Variants in FILIP1L observed in about 807,000 individuals in gnomAD.
FILIP1L encodes the protein filamin A interacting protein 1 like, also known as filamin A-interacting protein 1-like.
In FILIP1L, 55 loss-of-function variants were observed where a neutral mutation model predicts 96.6. That is an observed-to-expected ratio of 0.57 (90% CI 0.46 to 0.71). FILIP1L has a LOEUF of 0.71. Among genes scored for constraint, FILIP1L ranks in the 30% least tolerant of loss-of-function variants. FILIP1L has a pLI of 0.00. For missense variants in FILIP1L, 1,304 were observed against 1,321.2 expected (o/e 0.99, Z 0.20); for synonymous variants, 467 against 473.9 (o/e 0.99, Z 0.19).
intron 1 of FILIP1L, among the ~76,000 whole-genome samples, chr3:100,035,207 G>A (rs2065086210): frequency 6.6e-6 from 1 of 152,150 alleles, no homozygotes; most frequent in African/African-American, 2.4e-5. Flanking sequence ...TGAACCAAAT[G>A]TATTTTAAAC....
chr3:99,851,188 T>C (rs1017784851), intron 4 of FILIP1L, 118 bp from the exon 5 acceptor site: 5 of 795,264 alleles, frequency 6.3e-6, no homozygotes, highest in Non-Finnish European at 9.3e-6. Flanking sequence ...TCAGTTCATA[T>C]ACAATATGCA....
intron 1 of FILIP1L, among the ~76,000 whole-genome samples, chr3:99,948,021 G>T (rs1708060487): frequency 6.6e-6 from 1 of 152,202 alleles, no homozygotes; most frequent in Admixed American, 6.5e-5. Flanking sequence ...TGTAGACAAT[G>T]GTGGTGGTAA....
intron 1 of FILIP1L, among the ~76,000 whole-genome samples, chr3:100,063,978 G>A (rs532823006): frequency 1.3e-5 from 2 of 152,330 alleles, no homozygotes; most frequent in South Asian, 4.1e-4. Context: ...TGCCAGTACT[G>A]AATGTTCACA....
At position 99,986,775 on chromosome 3, in the gene FILIP1L, T is replaced by C. The variant is rs76751288; in HGVS notation, c.-10-55745A>G. Among the ~76,000 whole-genome samples, 965 of 152,280 alleles carry C rather than the reference T, an allele frequency of 6.3e-3. 7 individuals carry two copies. Among genetic ancestry groups the C allele is most frequent in the African/African-American group, 0.018 (765 of 41,556 alleles). ...CCCCAGGGGATGGTAGGAAGTATTA[T>C]GGCATCTAGTGAGTAGAAGCCAGGG... On this transcript the variant is annotated intron_variant, in intron 1 of 5. Transcript: ENST00000477258.
intron 1 of FILIP1L, among the ~76,000 whole-genome samples, chr3:100,014,887 C>CTTTTTTTTTTTTTT (rs1559725867): frequency 2.5e-4 from 8 of 32,460 alleles, no homozygotes; most frequent in African/African-American, 3.7e-4. Flanking sequence ...TTTTTTTTTT[C>CTTTTTTTTTTTTTT]TTTCTTTCTT....
At chr3:99,952,066 T>G (rs1708192200) in intron 1 of FILIP1L, among the ~76,000 whole-genome samples, 1 of 152,150 alleles carries the variant, frequency 6.6e-6, no homozygotes, top group Admixed American at 6.5e-5. Context: ...ACATGTGACC[T>G]AGGGCCAACT....
At chr3:100,061,152 A>T (rs2065558502) in intron 1 of FILIP1L, among the ~76,000 whole-genome samples, 1 of 152,232 alleles carries the variant, frequency 6.6e-6, no homozygotes, top group Non-Finnish European at 1.5e-5. Flanking sequence ...AAAAAAAAAA[A>T]ATTTTAAAAG....
chr3:99,862,158 C>T (rs1242660591), intron 4 of FILIP1L, among the ~76,000 whole-genome samples: 2 of 152,036 alleles, frequency 1.3e-5, no homozygotes, highest in African/African-American at 4.8e-5. Context: ...TCCACAATAT[C>T]TAGATATATA....
intron 1 of FILIP1L, among the ~76,000 whole-genome samples, chr3:99,941,969 C>G (rs145398279): frequency 9.1e-4 from 139 of 152,226 alleles, no homozygotes; most frequent in African/African-American, 3.1e-3. Flanking sequence ...TGAATGTGAA[C>G]TATAAATTAG....
intron 1 of FILIP1L, among the ~76,000 whole-genome samples, chr3:99,933,262 A>G: frequency 6.6e-6 from 1 of 152,206 alleles, no homozygotes; most frequent in Non-Finnish European, 1.5e-5. Flanking sequence ...GCCTTACTGA[A>G]GAGACTATTT....
chr3:99,960,061 CA>C (rs1708447862), intron 1 of FILIP1L, among the ~76,000 whole-genome samples: 1 of 152,086 alleles, frequency 6.6e-6, no homozygotes, highest in African/African-American at 2.4e-5. Flanking sequence ...GTGTGTATAG[CA>C]TTATGCCTCT....
chr3:100,078,990 T>C (rs1200638495), intron 1 of FILIP1L, among the ~76,000 whole-genome samples: 1 of 152,248 alleles, frequency 6.6e-6, no homozygotes, highest in Non-Finnish European at 1.5e-5. Flanking sequence ...GGGCCACATG[T>C]GGCCCACGTT....
intron 1 of FILIP1L, among the ~76,000 whole-genome samples, chr3:99,983,519 T>A (rs1322055225): frequency 8.1e-6 from 1 of 123,340 alleles, no homozygotes; most frequent in Non-Finnish European, 1.6e-5. Flanking sequence ...TGTATATATA[T>A]ACACACACAA....
intron 1 of FILIP1L, among the ~76,000 whole-genome samples, chr3:99,974,284 T>C (rs1362864736): frequency 6.6e-6 from 1 of 152,236 alleles, no homozygotes; most frequent in East Asian, 1.9e-4. Flanking sequence ...ACGGGTTGAT[T>C]TATTATGGTT....
At chr3:99,995,298 A>G (rs935557322) in intron 1 of FILIP1L, among the ~76,000 whole-genome samples, 11 of 152,222 alleles carry the variant, frequency 7.2e-5, no homozygotes, top group Non-Finnish European at 1.2e-4. Context: ...TAAAGCTCCA[A>G]AATGATCTCC....
chr3:99,949,177 T>C (rs974187935), intron 1 of FILIP1L, among the ~76,000 whole-genome samples: 1 of 152,200 alleles, frequency 6.6e-6, no homozygotes, highest in Non-Finnish European at 1.5e-5. Context: ...GATTTATTGT[T>C]AAGATTATAA....
chr3:99,832,789 G>A (rs1448538394), intron 5 of FILIP1L, among the ~76,000 whole-genome samples: 1 of 142,108 alleles, frequency 7.0e-6, no homozygotes, highest in Non-Finnish European at 1.5e-5. Context: ...GCAGTGAGCC[G>A]AGATCATAGC....
chr3:100,026,859 G>A (rs73859920), intron 1 of FILIP1L, among the ~76,000 whole-genome samples: 1,656 of 152,062 alleles, frequency 0.011, 26 homozygotes, highest in African/African-American at 0.038. Flanking sequence ...TCGCCCCACT[G>A]CCCACAATCC....
At chr3:99,947,371 A>G (rs1025411419) in intron 1 of FILIP1L, among the ~76,000 whole-genome samples, 2 of 152,148 alleles carry the variant, frequency 1.3e-5, no homozygotes, top group Non-Finnish European at 2.9e-5. Context: ...TGATAGCTAC[A>G]TAGTATTTCA....
Sources: allele counts gnomAD v4.1 joint callset (sites outside exome capture counted in the v4.1 genomes callset), GRCh38; gene constraint gnomAD v4.1.1; transcripts MANE v1.5; gene names NCBI Gene and HGNC (gene_info 2026-07-23, HGNC 2026-07-21).